Variants in CSMD1 observed in about 807,000 individuals in gnomAD.
The protein encoded by CSMD1 is CUB and sushi domain-containing protein 1.
A neutral mutation model predicts 417.5 loss-of-function variants in CSMD1; 213 were observed. The observed-to-expected ratio is 0.51, with a 90% confidence interval of 0.46 to 0.57. The LOEUF is 0.57. CSMD1 is among the 20% of genes least tolerant of loss of function. CSMD1 has a pLI of 0.00. For synonymous variants in CSMD1, 2,862 were observed against 1,736.8 expected, an observed-to-expected ratio of 1.65 and a Z score of -16.11; for missense variants, 6,923 against 4,529.7, an observed-to-expected ratio of 1.53 and a Z score of -15.17.
chr8:3,964,119 A>T (rs1812515208), intron 5 of CSMD1, among the ~76,000 whole-genome samples: 1 of 152,250 alleles, frequency 6.6e-6, no homozygotes. Context: ...TTTCAGAAAA[A>T]AAAGTTTTGC....
intron 1 of CSMD1, among the ~76,000 whole-genome samples, chr8:4,826,462 T>C (rs1261072205): frequency 6.6e-6 from 1 of 152,194 alleles, no homozygotes; most frequent in Non-Finnish European, 1.5e-5. Context: ...GGGATATTTT[T>C]AGTTTCTTTG....
At chr8:4,036,760 A>G (rs994253701) in intron 3 of CSMD1, among the ~76,000 whole-genome samples, 7 of 152,236 alleles carry the variant, frequency 4.6e-5, no homozygotes, top group Admixed American at 6.5e-5. Context: ...CAGGTCCTCA[A>G]ATAGCACTGT....
At chr8:3,622,394 G>A (rs1311655076) in intron 7 of CSMD1, among the ~76,000 whole-genome samples, 2 of 152,130 alleles carry the variant, frequency 1.3e-5, no homozygotes, top group Non-Finnish European at 2.9e-5. Flanking sequence ...TACCCAAACT[G>A]GTTGAAAATA....
chr8:4,406,705 A>T (rs1050604541), intron 3 of CSMD1, among the ~76,000 whole-genome samples: 1 of 152,194 alleles, frequency 6.6e-6, no homozygotes, highest in African/African-American at 2.4e-5. Context: ...AACTTTCAAC[A>T]AGCTTGTGAT....
At chr8:4,816,099 G>T (rs896166927) in intron 1 of CSMD1, among the ~76,000 whole-genome samples, 1 of 152,192 alleles carries the variant, frequency 6.6e-6, no homozygotes, top group Non-Finnish European at 1.5e-5. Flanking sequence ...GGCAGAATGT[G>T]AGGAAGGCTG....
intron 18 of CSMD1, among the ~76,000 whole-genome samples, chr8:3,385,920 G>C (rs960518321): frequency 1.3e-5 from 2 of 151,984 alleles, no homozygotes; most frequent in Non-Finnish European, 2.9e-5. Flanking sequence ...GAAAAAAAAA[G>C]CACTAGGTAA....
chr8:3,068,053 C>G (rs1178300330), intron 49 of CSMD1, among the ~76,000 whole-genome samples: 1 of 152,014 alleles, frequency 6.6e-6, no homozygotes, highest in African/African-American at 2.4e-5. Context: ...TGCCTTTTCC[C>G]TTATATTTCT....
intron 1 of CSMD1, among the ~76,000 whole-genome samples, chr8:4,785,523 G>C (rs183028723): frequency 6.6e-6 from 1 of 152,256 alleles, no homozygotes; most frequent in Non-Finnish European, 1.5e-5. Flanking sequence ...GACAGCACCA[G>C]AGAGCTTGGT....
chr8:3,048,582 T>C (rs1334143686), intron 50 of CSMD1, among the ~76,000 whole-genome samples: 2 of 152,112 alleles, frequency 1.3e-5, no homozygotes, highest in Non-Finnish European at 2.9e-5. Context: ...GAAAAATTAA[T>C]CCATTATGTA....
At chr8:3,273,527 C>T (rs1461674389) in intron 26 of CSMD1, among the ~76,000 whole-genome samples, 1 of 152,134 alleles carries the variant, frequency 6.6e-6, no homozygotes, top group Non-Finnish European at 1.5e-5. Context: ...CTCCTTGTAC[C>T]TCTGGTAGAA....
At chr8:4,354,953 C>T (rs1285256914) in intron 3 of CSMD1, among the ~76,000 whole-genome samples, 2 of 150,044 alleles carry the variant, frequency 1.3e-5, no homozygotes. Flanking sequence ...CACCGAATTC[C>T]ACCCAAACCC....
At chr8:4,429,964 G>A (rs927222536) in intron 2 of CSMD1, among the ~76,000 whole-genome samples, 1 of 152,158 alleles carries the variant, frequency 6.6e-6, no homozygotes, top group Admixed American at 6.5e-5. Context: ...GCAAAGGGGA[G>A]AATCCACTGG....
chr8:4,790,865 A>C (rs563953931), intron 1 of CSMD1, among the ~76,000 whole-genome samples: 1 of 152,304 alleles, frequency 6.6e-6, no homozygotes, highest in East Asian at 1.9e-4. Flanking sequence ...CGGAAAACCT[A>C]AACTATAAAA....
At chr8:3,896,270 ATCTG>A (rs1807356819) in intron 5 of CSMD1, among the ~76,000 whole-genome samples, 1 of 152,190 alleles carries the variant, frequency 6.6e-6, no homozygotes, top group Admixed American at 6.5e-5. Flanking sequence ...CAGAACTTGT[ATCTG>A]TCTATGAGTG....
chr8:3,866,196 G>A (rs34009470), intron 5 of CSMD1, among the ~76,000 whole-genome samples: 12,512 of 152,174 alleles, frequency 0.082, 592 homozygotes, highest in South Asian at 0.15. Flanking sequence ...AAGCCTAAAT[G>A]AGTAAAGCAT....
intron 1 of CSMD1, among the ~76,000 whole-genome samples, chr8:4,743,954 T>A (rs1176961169): frequency 3.9e-5 from 6 of 152,082 alleles, no homozygotes; most frequent in Non-Finnish European, 8.8e-5. Flanking sequence ...CTTCCCAGAG[T>A]GATTCCATGA....
At chr8:3,438,993 T>G (rs1361257774) in intron 12 of CSMD1, among the ~76,000 whole-genome samples, 1 of 150,694 alleles carries the variant, frequency 6.6e-6, no homozygotes, top group Non-Finnish European at 1.5e-5. Flanking sequence ...TGGGCACCTG[T>G]AATCCCAAAT....
intron 4 of CSMD1, among the ~76,000 whole-genome samples, chr8:4,029,107 G>A (rs376454457): frequency 1.7e-4 from 26 of 152,242 alleles, no homozygotes; most frequent in Admixed American, 5.2e-4. Flanking sequence ...TGGTCAAGGA[G>A]TGTTTGTAAT....
intron 5 of CSMD1, among the ~76,000 whole-genome samples, chr8:3,944,714 T>C (rs898123949): frequency 1.5e-4 from 23 of 152,296 alleles, no homozygotes; most frequent in Non-Finnish European, 2.6e-4. Context: ...GACATTTGTC[T>C]CTTGACAATA....
Sources: gnomAD v4.1 joint callset for allele counts (sites outside exome capture counted in the v4.1 genomes callset) on GRCh38, gnomAD v4.1.1 for gene constraint, MANE v1.5 for transcripts, NCBI Gene and HGNC (gene_info 2026-07-23, HGNC 2026-07-21) for gene names.